The following PATL1 variants were observed in gnomAD, a reference collection of about 807,000 sequenced individuals.
The protein encoded by PATL1 is protein PAT1 homolog 1.
In PATL1, 32 loss-of-function variants were observed where a neutral mutation model predicts 100.6. The observed-to-expected ratio is 0.32, with a 90% CI of 0.24 to 0.43. PATL1 has a LOEUF of 0.43. PATL1 is among the 20% of genes least tolerant of loss of function. PATL1 has a pLI of 1.00. For missense variants in PATL1, 747 were observed against 949.9 expected, an observed-to-expected ratio of 0.79 and a Z score of 2.81; for synonymous variants, 332 against 330.0, an observed-to-expected ratio of 1.01 and a Z score of -0.07.
chr11:59,659,178 T>TA (rs1323641715), intron 3 of PATL1, 74 bp downstream of exon 3: 2 of 1,315,178 alleles, frequency 1.5e-6, no homozygotes, highest in Admixed American at 2.2e-5. Flanking sequence ...ATAGATAAAA[T>TA]AAAATGGCAA....
In PATL1 at chr11:59,654,085, G is replaced by A. The variant is rs1861487213; in HGVS notation, c.1032-13C>T. On this transcript the variant is annotated splice_polypyrimidine_tract_variant and intron_variant, in intron 8 of 18. Transcript: ENST00000300146. ...TGGGGCCTGAGATCTAAGAAAAACG[G>A]AAAAGAGGTTCTCAGTTTGGTCATC... 4 of 1,603,156 alleles carry A rather than the reference G, an allele frequency of 2.5e-6. No homozygotes were observed. The highest frequency in any genetic ancestry group is 3.4e-6 in the Non-Finnish European group (4 of 1,170,216).
At position 59,636,790 on chromosome 11, in the gene PATL1, A is replaced by G. The variant is rs1191314000; in HGVS notation, c.*1600T>C. On this transcript the variant is annotated 3_prime_UTR_variant, in exon 19 of 19. Coordinates refer to ENST00000300146, the MANE Select transcript of PATL1 (RefSeq NM_152716.3). ...AATTTAGAAACTTTTATTTTCATTA[A>G]TTAGAACCAATCCAAACAAAAAAGA... is the stretch of plus-strand genomic sequence containing the variant. The G allele has an allele frequency of 3.3e-5, 5 of 152,640 alleles. No homozygotes were observed. The highest frequency in any genetic ancestry group is 7.2e-5 in the African/African-American group (3 of 41,462). The allele number at this position is 152,640 out of a possible 1,614,324, so 9.5% of individuals were successfully genotyped here. A position where few individuals can be genotyped will look rare whatever the true frequency, so the allele number is the denominator to read the frequency against.
intron 15 of PATL1, among the ~76,000 whole-genome samples, chr11:59,647,547 T>G (rs566581086): frequency 6.6e-6 from 1 of 152,230 alleles, no homozygotes; most frequent in Admixed American, 6.5e-5. Context: ...GTTTTTCTCA[T>G]GTTTAGAAAC....
chr11:59,647,945 G>A (rs764827926), intron 14 of PATL1, 32 bp from the exon 15 acceptor site: 6 of 1,563,948 alleles, frequency 3.8e-6, no homozygotes, highest in Admixed American at 2.0e-5. Flanking sequence ...GCTTAGGTCA[G>A]CAAGAACAAT....
At position 59,637,445 on chromosome 11, in the gene PATL1, A is replaced by T. The variant is rs1861208684; in HGVS notation, c.*945T>A. On this transcript the variant is annotated 3_prime_UTR_variant, in exon 19 of 19. Coordinates refer to ENST00000300146, the MANE Select transcript of PATL1 (RefSeq NM_152716.3). ...TGACACCAAATAAAAGTGGGGAAGA[A>T]GGAAGCATGGCTTACTGAAGTAGTC... is the stretch of plus-strand genomic sequence containing the variant. The T allele has an allele frequency of 6.5e-6, 1 of 152,692 alleles. No homozygotes were observed. Among genetic ancestry groups the T allele is most frequent in the African/African-American group, 2.4e-5 (1 of 41,466 alleles). The allele number at this position is 152,692 out of a possible 1,614,324, so 9.5% of individuals were successfully genotyped here. A position where few individuals can be genotyped will look rare whatever the true frequency, so the allele number is the denominator to read the frequency against.
At chr11:59,650,895 G>A (rs1565132703) in intron 12 of PATL1, 82 bp from the exon 13 acceptor site, 1 of 931,222 alleles carries the variant, frequency 1.1e-6, no homozygotes, top group Non-Finnish European at 1.6e-6. Flanking sequence ...AGGTTCATTT[G>A]TGACAATACT....
In PATL1 at chr11:59,668,888, C is replaced by T; in HGVS notation, c.8G>A (p.Arg3His). The part of the protein sequence containing the change: MF[R>H]YESLEDCPLD... ...CCGGTCGCAACAGCTCACCTCGTAG[C>T]GGAACATTCTTGGGGAGGGGGGCAG... Residue 3 changes from arginine (R) to histidine (H), a missense_variant, in exon 1 of 19, where the codon CGC (arginine) becomes CAC (histidine). Arg to His is a conservative substitution (Grantham distance 29). This residue lies in a region of PATL1 where 183 missense variants were observed against 221.2 expected (regional missense o/e 0.83). Coordinates refer to ENST00000300146, the MANE Select transcript of PATL1 (RefSeq NM_152716.3). 3 of 1,132,522 alleles carry T rather than the reference C, an allele frequency of 2.6e-6. No homozygotes were observed. Among genetic ancestry groups the T allele is most frequent in the Non-Finnish European group, 3.5e-6 (3 of 853,214 alleles). The allele number at this position is 1,132,522 out of a possible 1,614,324, so 70.2% of individuals were successfully genotyped here.
chr11:59,645,773 G>A (rs1004179952), intron 15 of PATL1, among the ~76,000 whole-genome samples: 2 of 152,106 alleles, frequency 1.3e-5, no homozygotes, highest in Non-Finnish European at 2.9e-5. Flanking sequence ...TGAGTCTCTT[G>A]AAGTTGGTTT....
At chr11:59,652,020 G>C (rs1038933616) in intron 11 of PATL1, among the ~76,000 whole-genome samples, 2 of 124,068 alleles carry the variant, frequency 1.6e-5, no homozygotes, top group Admixed American at 1.1e-4. Context: ...AGCTGAGATG[G>C]CACCAATGCA....
intron 2 of PATL1, among the ~76,000 whole-genome samples, chr11:59,665,232 A>G (rs1237232961): frequency 6.6e-6 from 1 of 152,256 alleles, no homozygotes; most frequent in Non-Finnish European, 1.5e-5. Context: ...TAATAAATGT[A>G]TTAGGTCACT....
chr11:59,667,260 A>T (rs960772773), intron 1 of PATL1, among the ~76,000 whole-genome samples: 1 of 152,222 alleles, frequency 6.6e-6, no homozygotes, highest in African/African-American at 2.4e-5. Context: ...GCAACCAAGA[A>T]ATTAAGCCCA....
At chr11:59,657,247 T>C in intron 5 of PATL1, 2 of 670,128 alleles carry the variant, frequency 3.0e-6, no homozygotes, top group Non-Finnish European at 3.7e-6. Flanking sequence ...TCTCTGACAA[T>C]GTTTTGGGCA....
intron 2 of PATL1, among the ~76,000 whole-genome samples, chr11:59,660,674 T>C (rs1239938931): frequency 1.3e-5 from 2 of 151,870 alleles, no homozygotes; most frequent in African/African-American, 4.8e-5. Flanking sequence ...GAAAATGAGG[T>C]CAAGAAGTCA....
intron 9 of PATL1, 97 bp from the exon 10 acceptor site, chr11:59,653,115 A>C: frequency 2.9e-6 from 2 of 686,584 alleles, no homozygotes; most frequent in Admixed American, 6.0e-5. Flanking sequence ...TTTTTTTTTT[A>C]AAGATTCCCG....
At chr11:59,650,045 C>T (rs1424885639) in intron 13 of PATL1, among the ~76,000 whole-genome samples, 1 of 149,876 alleles carries the variant, frequency 6.7e-6, no homozygotes, top group Non-Finnish European at 1.5e-5. Context: ...TACTTGAACC[C>T]GGTAGGCGGA....
At chr11:59,668,434 G>A (rs541012062) in intron 1 of PATL1, among the ~76,000 whole-genome samples, 5 of 152,166 alleles carry the variant, frequency 3.3e-5, no homozygotes, top group Non-Finnish European at 7.3e-5. Flanking sequence ...GGTAGCCTGT[G>A]TGAATGGGAT....
chr11:59,652,494 C>G lies in PATL1; in HGVS notation c.1396G>C (p.Val466Leu). The G allele has an allele frequency of 6.2e-7, 1 of 1,613,838 alleles. No homozygotes were observed. Among genetic ancestry groups the G allele is most frequent in the Non-Finnish European group, 8.5e-7 (1 of 1,179,834 alleles). Residue 466 changes from valine (V) to leucine (L), a missense_variant, in exon 11 of 19, where the codon GTG (valine) becomes CTG (leucine). Val to Leu is a conservative substitution (Grantham distance 32). Around this residue, in one of 4 missense-constraint regions of PATL1, gnomAD observed 434 missense variants for 596.1 expected, o/e 0.73. Coordinates refer to ENST00000300146, the MANE Select transcript of PATL1 (RefSeq NM_152716.3). ...KERTKLITPQ[V>L]AKLEHAYKPV... ...TTATAGGCGTGCTCCAGTTTGGCCACCTGAGGGGTGATAAGCTTGGTGCGC... is the reference window on the plus strand; with the variant it reads ...TTATAGGCGTGCTCCAGTTTGGCCAGCTGAGGGGTGATAAGCTTGGTGCGC...
At chr11:59,663,129 C>T (rs140162620) in intron 2 of PATL1, among the ~76,000 whole-genome samples, 5 of 152,210 alleles carry the variant, frequency 3.3e-5, no homozygotes, top group Admixed American at 6.5e-5. Context: ...CAGTGCTTGA[C>T]CTGAGTCCAT....
intron 6 of PATL1, 108 bp downstream of exon 6, chr11:59,656,391 T>A: frequency 1.1e-6 from 1 of 891,436 alleles, no homozygotes; most frequent in Middle Eastern, 2.4e-4. Flanking sequence ...TTATAAAAAA[T>A]AGGTATAATT....
Sources: allele counts gnomAD v4.1 joint callset (sites outside exome capture counted in the v4.1 genomes callset), GRCh38; gene constraint gnomAD v4.1.1; regional missense constraint gnomAD v4.1.1; transcripts MANE v1.5; gene names NCBI Gene and HGNC (gene_info 2026-07-23, HGNC 2026-07-21).